The following ROBO1 variants were observed in gnomAD, a reference collection of about 807,000 sequenced individuals.
ROBO1 encodes roundabout guidance receptor 1, also known as roundabout homolog 1.
Under a neutral mutation model 195.9 loss-of-function variants are expected in ROBO1, and 149 were observed. That is an observed-to-expected ratio of 0.76 (90% confidence interval 0.67 to 0.87). The LOEUF (loss-of-function observed/expected upper bound fraction) is 0.87, where lower values mean the gene tolerates loss of function less well. Among genes scored for constraint, ROBO1 ranks in the 40% least tolerant of loss-of-function variants. The pLI is 0.00. For missense variants in ROBO1, 1,933 were observed against 2,068.3 expected (o/e 0.93, Z 1.27); for synonymous variants, 816 against 733.2 (o/e 1.11, Z -1.82).
rs369944653 is a variant in ROBO1, at chr3:78,711,270, CCTTT to C, written c.1045+3123_1045+3126del. Among the ~76,000 whole-genome samples, 36 of 150,580 alleles carry C rather than the reference CCTTT, an allele frequency of 2.4e-4. No individual in the cohort carries two copies. The East Asian group carries it at 5.7e-3, about 24-fold the overall frequency. On this transcript the variant is annotated intron_variant, in intron 8 of 30. Transcript: ENST00000464233. ...TGTCCCTGTGCTCTCTCTCTTTCTTCCTTTCTTTCTTTCCCTTTCTTTCTTTCTC... is the reference window on the plus strand; with the variant it reads ...TGTCCCTGTGCTCTCTCTCTTTCTTCCTTTCTTTCCCTTTCTTTCTTTCTC...
At chr3:79,598,593 T>C (rs1334808020) in intron 1 of ROBO1, among the ~76,000 whole-genome samples, 1 of 151,994 alleles carries the variant, frequency 6.6e-6, no homozygotes, top group Non-Finnish European at 1.5e-5. Flanking sequence ...CACTGCACAG[T>C]GGCTGCAGCA....
chr3:79,344,034 TCTCAGGTGGTTTTTATGACTG>T (rs1157123338), intron 2 of ROBO1, among the ~76,000 whole-genome samples: 1 of 152,082 alleles, frequency 6.6e-6, no homozygotes, highest in East Asian at 1.9e-4. Context: ...TTGGCAAGTT[TCTCAGGTGGTTTTTATGACTG>T]CTCAGAGGCT....
In ROBO1 at chr3:78,597,579, T is replaced by C. The variant is rs1702901201; in HGVS notation, c.*1334A>G. 6.6e-6 allele frequency: 1 copy of C among 152,352 alleles called. No individual in the cohort carries two copies. The highest frequency in any genetic ancestry group is 1.5e-5 in the Non-Finnish European group (1 of 67,978). 9.4% of individuals were successfully genotyped at this position (152,352 alleles called of 1,614,324 possible). A position where few individuals can be genotyped will look rare whatever the true frequency, so the allele number is the denominator to read the frequency against. ...ATAGCACCAATTATAAAATCAATGA[T>C]ATTCATAAAATGACAAAAAAGGATC... On this transcript the variant is annotated 3_prime_UTR_variant, in exon 31 of 31. Transcript: ENST00000464233.
chr3:79,610,225 T>C (rs1339880606), intron 1 of ROBO1, among the ~76,000 whole-genome samples: 10 of 151,892 alleles, frequency 6.6e-5, no homozygotes, highest in Non-Finnish European at 1.5e-4. Flanking sequence ...TACTGAACCT[T>C]AAATATGCTG....
chr3:79,667,774 T>C (rs1482636444), intron 1 of ROBO1, among the ~76,000 whole-genome samples: 1 of 151,788 alleles, frequency 6.6e-6, no homozygotes, highest in Non-Finnish European at 1.5e-5. Flanking sequence ...ACTACCTTCA[T>C]TTGTATTTTT....
intron 3 of ROBO1, among the ~76,000 whole-genome samples, chr3:78,994,460 T>C (rs866804373): frequency 2.0e-5 from 3 of 152,188 alleles, no homozygotes; most frequent in South Asian, 4.1e-4. Context: ...AATCTGTTGA[T>C]GCCATTTGTT....
chr3:79,763,364 C>G (rs1704816771), intron 1 of ROBO1, among the ~76,000 whole-genome samples: 1 of 152,258 alleles, frequency 6.6e-6, no homozygotes, highest in Admixed American at 6.5e-5. Flanking sequence ...GCTTACTCCT[C>G]TTAATCCCTG....
chr3:79,214,089 G>T (rs1194740031), intron 2 of ROBO1, among the ~76,000 whole-genome samples: 1 of 151,808 alleles, frequency 6.6e-6, no homozygotes, highest in Non-Finnish European at 1.5e-5. Context: ...GTCTCCCAAA[G>T]TGCTGGGATT....
At chr3:79,198,513 C>T (rs376204355) in intron 2 of ROBO1, among the ~76,000 whole-genome samples, 17 of 152,088 alleles carry the variant, frequency 1.1e-4, no homozygotes, top group Non-Finnish European at 2.2e-4. Context: ...ATTGTCTTGG[C>T]TATGAGGGGT....
At position 78,687,945 on chromosome 3, in the gene ROBO1, T is replaced by C. The variant is rs187042935; in HGVS notation, c.1170+703A>G. On this transcript the variant is annotated intron_variant, in intron 9 of 30. Coordinates refer to ENST00000464233, the MANE Select transcript of ROBO1 (RefSeq NM_002941.4). ...TGTGCCCAGCCGCGTTTTTGTTTTA[T>C]TGAAGAAGGCAAACCATTAAGAGAT... 1.1e-3 allele frequency among the ~76,000 whole-genome samples: 165 copies of C among 152,328 alleles called. 3 individuals are homozygous for C. Among genetic ancestry groups the C allele is most frequent in the Middle Eastern group, 6.8e-3 (2 of 294 alleles).
chr3:78,920,624 GTTTTTTTT>G (rs34364869), intron 4 of ROBO1, among the ~76,000 whole-genome samples: 63 of 60,948 alleles, frequency 1.0e-3, no homozygotes, highest in African/African-American at 4.4e-3. Flanking sequence ...CTTTCTTTCA[GTTTTTTTT>G]TTTTTTTTTT....
chr3:79,207,367 C>A (rs531328629), intron 2 of ROBO1, among the ~76,000 whole-genome samples: 6 of 152,216 alleles, frequency 3.9e-5, no homozygotes, highest in Admixed American at 1.3e-4. Context: ...CCTATAAATT[C>A]TTTCAAGTTA....
At chr3:79,725,456 G>A (rs542350198) in intron 1 of ROBO1, among the ~76,000 whole-genome samples, 115 of 151,970 alleles carry the variant, frequency 7.6e-4, no homozygotes, top group African/African-American at 2.6e-3. Flanking sequence ...TCGATCTCCT[G>A]ACCTCGTGAT....
chr3:79,442,936 C>T (rs2039109899), intron 2 of ROBO1, among the ~76,000 whole-genome samples: 2 of 152,132 alleles, frequency 1.3e-5, no homozygotes, highest in African/African-American at 2.4e-5. Context: ...ATACTCAAAA[C>T]TCATCTCAAT....
At chr3:79,147,255 C>T (rs2080671380) in intron 2 of ROBO1, among the ~76,000 whole-genome samples, 1 of 151,932 alleles carries the variant, frequency 6.6e-6, no homozygotes. Context: ...CCATTTGTGC[C>T]TGCCTGAGAG....
intron 4 of ROBO1, among the ~76,000 whole-genome samples, chr3:78,819,456 AAAC>A (rs1364135201): frequency 6.6e-6 from 1 of 151,648 alleles, no homozygotes; most frequent in Non-Finnish European, 1.5e-5. Flanking sequence ...AAAAAAAAAA[AAAC>A]AAAACCTTTT....
chr3:78,625,969 G>A (rs1293811560), intron 26 of ROBO1, among the ~76,000 whole-genome samples: 1 of 152,050 alleles, frequency 6.6e-6, no homozygotes, highest in African/African-American at 2.4e-5. Flanking sequence ...ACTGAATGAA[G>A]AGGAAGAGGC....
intron 3 of ROBO1, among the ~76,000 whole-genome samples, chr3:78,997,450 C>T (rs1410856141): frequency 6.6e-6 from 1 of 152,122 alleles, no homozygotes; most frequent in Admixed American, 6.6e-5. Flanking sequence ...AACCATTCCA[C>T]TAGCAGTAAT....
intron 2 of ROBO1, among the ~76,000 whole-genome samples, chr3:79,382,993 T>C (rs960879213): frequency 1.3e-5 from 2 of 152,076 alleles, no homozygotes; most frequent in African/African-American, 4.8e-5. Flanking sequence ...CCAAGGACAG[T>C]TGAAAGAGTT....
Sources: allele counts gnomAD v4.1 joint callset (sites outside exome capture counted in the v4.1 genomes callset), GRCh38; gene constraint gnomAD v4.1.1; transcripts MANE v1.5; gene names NCBI Gene and HGNC (gene_info 2026-07-23, HGNC 2026-07-21).